PLEKHH2: variants seen among roughly 807,000 people sequenced by gnomAD.
The protein encoded by PLEKHH2 is pleckstrin homology, MyTH4 and FERM domain containing H2.
A neutral mutation model predicts 187.9 loss-of-function variants in PLEKHH2; 129 were observed. That is an observed-to-expected ratio of 0.69 (90% CI 0.59 to 0.79). The LOEUF (loss-of-function observed/expected upper bound fraction) is 0.79, where lower values mean the gene tolerates loss of function less well. Ranked by LOEUF, PLEKHH2 falls within the 30% of genes least tolerant of loss-of-function variation. The pLI, the probability that PLEKHH2 is intolerant of heterozygous loss-of-function variation, is 0.00. For missense variants in PLEKHH2, 2,076 were observed against 1,751.2 expected (o/e 1.19, Z -3.31); for synonymous variants, 686 against 605.6 (o/e 1.13, Z -1.95).
At chr2:43,654,463 G>A (rs1015984842) in intron 2 of PLEKHH2, among the ~76,000 whole-genome samples, 17 of 151,872 alleles carry the variant, frequency 1.1e-4, no homozygotes, top group African/African-American at 4.1e-4. Context: ...CCAAAGTGCT[G>A]GGATTACAGG....
In PLEKHH2 at chr2:43,707,565, A is replaced by G. The variant is rs1271919926; in HGVS notation, c.1966+20A>G. On this transcript the variant is annotated intron_variant, in intron 11 of 29. Coordinates refer to ENST00000282406, the MANE Select transcript of PLEKHH2 (RefSeq NM_172069.4). ...AACGAGGTGAGGGAAAATCGCAGGC[A>G]TATGAGGCAACTCCAGATCATTCTG... 9.3e-6 allele frequency: 15 copies of G among 1,613,512 alleles called. No homozygotes were observed. Among genetic ancestry groups the G allele is most frequent in the Non-Finnish European group, 1.3e-5 (15 of 1,179,586 alleles).
intron 2 of PLEKHH2, among the ~76,000 whole-genome samples, chr2:43,678,418 C>G (rs545688776): frequency 5.7e-4 from 86 of 152,198 alleles, no homozygotes; most frequent in African/African-American, 1.8e-3. Flanking sequence ...AGCCTGGGCA[C>G]CATTGAGCAC....
intron 16 of PLEKHH2, among the ~76,000 whole-genome samples, chr2:43,722,701 T>A (rs1670540492): frequency 6.6e-6 from 1 of 152,194 alleles, no homozygotes; most frequent in African/African-American, 2.4e-5. Context: ...CTAAATAAAA[T>A]AATTATCTGT....
At chr2:43,741,792 C>T (rs1025395461) in intron 21 of PLEKHH2, among the ~76,000 whole-genome samples, 1 of 152,142 alleles carries the variant, frequency 6.6e-6, no homozygotes, top group Non-Finnish European at 1.5e-5. Context: ...GATCTGCCTA[C>T]AGGGCACTTG....
Position 43,673,372 on chromosome 2 carries a change from A to T in PLEKHH2, c.124-5491A>T, listed in dbSNP as rs1667579452. On this transcript the variant is annotated intron_variant, in intron 2 of 29. Transcript: ENST00000282406. Reference sequence around the variant, plus strand: ...GACTTTTAGTTTTATCATTCAAATTATAACACTACAACTGCTACCATAATA... The same window carrying T: ...GACTTTTAGTTTTATCATTCAAATTTTAACACTACAACTGCTACCATAATA... Among the ~76,000 whole-genome samples, 8 of 152,342 alleles carry T rather than the reference A, an allele frequency of 5.3e-5. 1 individual carries two copies. The South Asian group carries it at 1.7e-3, about 32-fold the overall frequency.
chr2:43,650,927 G>A (rs1666438139), intron 2 of PLEKHH2, among the ~76,000 whole-genome samples: 1 of 151,966 alleles, frequency 6.6e-6, no homozygotes, highest in Non-Finnish European at 1.5e-5. Context: ...TTACAGGCAT[G>A]AGCCACCGCG....
Position 43,699,711 on chromosome 2 carries a change from A to G in PLEKHH2, c.753A>G (p.Thr251=), listed in dbSNP as rs1669258978. ...TAGAAAACAACAGAGGCCAGAGAAC[A>G]TTGCATCAAACCCCTTGTGGCTCAG... ...QVLENNRGQR[T]LHQTPCGSEQ... Residue 251 remains threonine (T), a synonymous_variant, in exon 8 of 30, where the codon ACA becomes ACG. Transcript: ENST00000282406. 6.2e-7 allele frequency: 1 copy of G among 1,614,252 alleles called. No individual in the cohort carries two copies. The highest frequency in any genetic ancestry group is 1.7e-5 in the Admixed American group (1 of 60,034).
At chr2:43,706,558 A>G (rs1013708645) in intron 10 of PLEKHH2, 142 bp downstream of exon 10, 4 of 643,956 alleles carry the variant, frequency 6.2e-6, no homozygotes, top group Non-Finnish European at 1.1e-5. Context: ...TCACGTTAAC[A>G]TATCATAAAA....
chr2:43,656,544 G>C (rs1488120369), intron 2 of PLEKHH2, among the ~76,000 whole-genome samples: 1 of 123,808 alleles, frequency 8.1e-6, no homozygotes, highest in African/African-American at 3.0e-5. Flanking sequence ...GGAATAGTCA[G>C]AGGATTATCT....
rs879273414 is a variant in PLEKHH2 at position 43,700,384 on chromosome 2, A to G, written c.1426A>G (p.Ile476Val). Residue 476 changes from isoleucine (I) to valine (V), a missense_variant, in exon 8 of 30, where the codon ATA becomes GTA. Physicochemically the swap from Ile to Val is conservative, Grantham distance 29. Transcript: ENST00000282406. ...GATGTTTGGTACAAATAGAAACGCT[A>G]TAAGCATGATACGACCACTGAGACC... The part of the protein sequence containing the change: ...DRMFGTNRNA[I>V]SMIRPLRPQE... The G allele has an allele frequency of 5.0e-6, 8 of 1,614,032 alleles. No homozygotes were observed. Among genetic ancestry groups the G allele is most frequent in the East Asian group, 2.2e-5 (1 of 44,882 alleles).
chr2:43,707,313 G>C (rs1669708802), intron 10 of PLEKHH2, 88 bp from the exon 11 acceptor site: 1 of 1,497,240 alleles, frequency 6.7e-7, no homozygotes, highest in African/African-American at 1.4e-5. Context: ...CTTTTCTTTA[G>C]GAGGCGACCC....
intron 16 of PLEKHH2, among the ~76,000 whole-genome samples, chr2:43,722,383 G>C (rs1323148040): frequency 6.6e-6 from 1 of 152,244 alleles, no homozygotes; most frequent in Admixed American, 6.5e-5. Flanking sequence ...TGCCAATGAA[G>C]GTCAGAGAAG....
At chr2:43,644,045 T>C (rs1373812688) in intron 1 of PLEKHH2, among the ~76,000 whole-genome samples, 2 of 152,090 alleles carry the variant, frequency 1.3e-5, no homozygotes, top group Non-Finnish European at 2.9e-5. Context: ...TATGCAAACT[T>C]GTCAGGATCA....
rs1357349495 is a variant in PLEKHH2, at chr2:43,766,733, G to A, written c.*1135G>A. 2 of 152,246 alleles carry A rather than the reference G, an allele frequency of 1.3e-5. No homozygotes were observed. Among genetic ancestry groups the A allele is most frequent in the African/African-American group, 4.8e-5 (2 of 41,396 alleles). 9.4% of individuals were successfully genotyped at this position (152,246 alleles called of 1,614,324 possible). ...CCACTTCAGCCTCTTGAATAGCTGG[G>A]ACTAGAAGCATGCACCACCATGCCC... On this transcript the variant is annotated 3_prime_UTR_variant, in exon 30 of 30. Transcript: ENST00000282406.
At chr2:43,646,688 A>C (rs1188629538) in intron 2 of PLEKHH2, among the ~76,000 whole-genome samples, 1 of 152,150 alleles carries the variant, frequency 6.6e-6, no homozygotes, top group Non-Finnish European at 1.5e-5. Context: ...TATAAGTAAA[A>C]TAGCTTTTTT....
At chr2:43,666,084 C>A (rs1451291521) in intron 2 of PLEKHH2, among the ~76,000 whole-genome samples, 3 of 149,904 alleles carry the variant, frequency 2.0e-5, no homozygotes, top group African/African-American at 7.6e-5. Flanking sequence ...TTGCTGCCGC[C>A]TTGCAGTTTG....
intron 2 of PLEKHH2, among the ~76,000 whole-genome samples, chr2:43,674,367 G>C (rs1185229160): frequency 2.0e-5 from 3 of 152,160 alleles, no homozygotes; most frequent in Non-Finnish European, 2.9e-5. Context: ...TTATATTGTA[G>C]AAGTGACAAT....
Position 43,712,034 on chromosome 2 carries a change from A to C in PLEKHH2, c.2302-191A>C, listed in dbSNP as rs771035822. The C allele has an allele frequency of 7.9e-6, 10 of 1,269,488 alleles. No individual in the cohort carries two copies. In the South Asian group the frequency reaches 1.8e-4, roughly 23 times the overall value. 78.6% of individuals were successfully genotyped at this position (1,269,488 alleles called of 1,614,324 possible). On this transcript the variant is annotated intron_variant, in intron 14 of 29. Coordinates refer to ENST00000282406, the MANE Select transcript of PLEKHH2 (RefSeq NM_172069.4). ...ACAAAGTTATTTCCACAAAAATTTAATTGCTGTAATTCTCACAAAGTGGTT... is the reference window on the plus strand; with the variant it reads ...ACAAAGTTATTTCCACAAAAATTTACTTGCTGTAATTCTCACAAAGTGGTT...
In PLEKHH2 at chr2:43,764,312, C is replaced by T. The variant is rs551731255; in HGVS notation, c.4243C>T (p.His1415Tyr). 1.9e-6 allele frequency: 3 copies of T among 1,610,198 alleles called. No homozygotes were observed. Among genetic ancestry groups the T allele is most frequent in the South Asian group, 2.2e-5 (2 of 90,680 alleles). ...TTTTATGGTAGTCATTAACAATACA[C>T]ATTCAAAGGACAAACCAACAGAGAA... is the stretch of plus-strand genomic sequence containing the variant. Reference protein sequence around the residue: ...DDFMVVINNTHSKDKPTEKLL... With the variant: ...DDFMVVINNTYSKDKPTEKLL... The change falls in exon 29 of 30, where the codon CAT becomes TAT. Residue 1415 changes from histidine (H) to tyrosine (Y), a missense_variant. By Grantham distance (83) the His-to-Tyr change is moderately conservative. Transcript: ENST00000282406.
Sources: gnomAD v4.1 joint callset for allele counts (sites outside exome capture counted in the v4.1 genomes callset) on GRCh38, gnomAD v4.1.1 for gene constraint, MANE v1.5 for transcripts, NCBI Gene and HGNC (gene_info 2026-07-23, HGNC 2026-07-21) for gene names.